The following ITGAE variants were observed in gnomAD, a reference collection of about 807,000 sequenced individuals.
ITGAE encodes the protein integrin alpha-E.
A neutral mutation model predicts 136.5 loss-of-function variants in ITGAE; 99 were observed. That is an observed-to-expected ratio of 0.73 (90% CI 0.62 to 0.86). The LOEUF (loss-of-function observed/expected upper bound fraction) is 0.86. Ranked by LOEUF, ITGAE falls within the 40% of genes least tolerant of loss-of-function variation. The pLI is 0.00. For missense variants in ITGAE, 1,447 were observed against 1,515.3 expected (o/e 0.95, Z 0.75); for synonymous variants, 613 against 591.8 (o/e 1.04, Z -0.52).
At chr17:3,723,806 T>C in intron 26 of ITGAE, 62 bp from the exon 27 acceptor site, 1 of 1,587,536 alleles carries the variant, frequency 6.3e-7, no homozygotes, top group Non-Finnish European at 8.6e-7. Context: ...TTCCGTCCCG[T>C]CCCGGCCCCG....
chr17:3,769,339 C>T (rs2052366822), intron 2 of ITGAE, among the ~76,000 whole-genome samples: 1 of 152,058 alleles, frequency 6.6e-6, no homozygotes, highest in Non-Finnish European at 1.5e-5. Flanking sequence ...GCACCCCACC[C>T]CCACCCTTTC....
intron 17 of ITGAE, among the ~76,000 whole-genome samples, chr17:3,746,222 G>T: frequency 6.6e-6 from 1 of 152,102 alleles, no homozygotes; most frequent in Non-Finnish European, 1.5e-5. Flanking sequence ...GATTGAAGAA[G>T]AAAATAAGGA....
intron 2 of ITGAE, among the ~76,000 whole-genome samples, chr17:3,776,075 TGAGACGGAGTC>T (rs2052532646): frequency 6.8e-6 from 1 of 147,506 alleles, no homozygotes; most frequent in African/African-American, 2.5e-5. Context: ...TTTTTTTTTT[TGAGACGGAGTC>T]TTGCTCTGTC....
chr17:3,790,294 G>T (rs1265669134), intron 1 of ITGAE, among the ~76,000 whole-genome samples: 2 of 152,082 alleles, frequency 1.3e-5, no homozygotes, highest in Non-Finnish European at 2.9e-5. Context: ...ATCACCTGAG[G>T]TCAGGAGTTC....
At chr17:3,767,747 C>T (rs1017134761) in intron 2 of ITGAE, among the ~76,000 whole-genome samples, 2 of 152,126 alleles carry the variant, frequency 1.3e-5, no homozygotes, top group Admixed American at 1.3e-4. Flanking sequence ...CTCAGCCTCA[C>T]AAGTTGCTGG....
At chr17:3,746,069 G>T in intron 17 of ITGAE, 142 bp from the exon 18 acceptor site, 1 of 722,804 alleles carries the variant, frequency 1.4e-6, no homozygotes, top group Non-Finnish European at 2.2e-6. Flanking sequence ...GGACTCCTGC[G>T]TCGGTTTTTC....
In ITGAE at chr17:3,743,541, T is replaced by TC; in HGVS notation, c.2395dup (p.Asp799GlyfsTer12). 6.2e-7 allele frequency: 1 copy of TC among 1,611,936 alleles called. No homozygotes were observed. The highest frequency in any genetic ancestry group is 2.2e-5 in the East Asian group (1 of 44,818). On this transcript the variant is annotated frameshift_variant, in exon 19 of 31. Transcript: ENST00000263087. LOFTEE classifies it high-confidence loss of function. ...GCGGTCCAGGATGGGCTGGGGATGGTCCGTCTGTCCCTCAGGGGTCTGGAG... is the reference window on the plus strand; with the variant it reads ...GCGGTCCAGGATGGGCTGGGGATGGTCCCGTCTGTCCCTCAGGGGTCTGGAG...
At chr17:3,716,850 A>G in intron 29 of ITGAE, 52 bp from the exon 30 acceptor site, 1 of 988,402 alleles carries the variant, frequency 1.0e-6, no homozygotes, top group Non-Finnish European at 1.6e-6. Context: ...AAACAAGGAA[A>G]AAATCCTACA....
intron 1 of ITGAE, among the ~76,000 whole-genome samples, chr17:3,787,723 C>T (rs868782714): frequency 4.7e-5 from 7 of 149,356 alleles, no homozygotes; most frequent in South Asian, 2.1e-4. Context: ...AGTTTTGCTC[C>T]GTCGCCCAGG....
At chr17:3,784,996 C>CA (rs1232256842) in intron 1 of ITGAE, among the ~76,000 whole-genome samples, 9 of 151,866 alleles carry the variant, frequency 5.9e-5, no homozygotes, top group Admixed American at 3.3e-4. Context: ...ACCAAAAATA[C>CA]AAAAAATTAG....
intron 15 of ITGAE, among the ~76,000 whole-genome samples, chr17:3,751,311 C>T (rs147012897): frequency 0.019 from 2,866 of 151,350 alleles, 65 homozygotes; most frequent in African/African-American, 0.04. Flanking sequence ...GAGACAGGAG[C>T]GAGGGACAGA....
rs1321388910 is a variant in ITGAE at position 3,755,196 on chromosome 17, T to G, written c.1305A>C (p.Thr435=). The G allele has an allele frequency of 6.4e-7, 1 of 1,560,534 alleles. No homozygotes were observed. The highest frequency in any genetic ancestry group is 1.1e-5 in the South Asian group (1 of 87,578). Residue 435 remains threonine (T), a synonymous_variant, in exon 12 of 31, where the codon ACA becomes ACC. Coordinates refer to ENST00000263087, the MANE Select transcript of ITGAE (RefSeq NM_002208.5). The part of the protein sequence containing the change: ...DWSGGALLYD[T]RSRRGRFLNQ... The stretch of plus-strand genomic sequence containing the variant: ...TCAGGAAGCGGCCCCGGCGGCTGCG[T>G]GTGTCGTAGAGCAACGCCCCTCCGG...
At chr17:3,720,835 G>A (rs1010969347) in intron 28 of ITGAE, among the ~76,000 whole-genome samples, 10 of 151,736 alleles carry the variant, frequency 6.6e-5, no homozygotes, top group Non-Finnish European at 1.0e-4. Context: ...TACCCACCTC[G>A]GCCTCCCAAA....
At chr17:3,781,147 A>G (rs939303863) in intron 1 of ITGAE, among the ~76,000 whole-genome samples, 1 of 152,230 alleles carries the variant, frequency 6.6e-6, no homozygotes. Flanking sequence ...CAAGAGAAAC[A>G]GGCAATGTGT....
In ITGAE at chr17:3,801,094, C is replaced by A; in HGVS notation, c.34+17G>T. ...AGGGCACAGCAGCCCCTCGAAGCAG[C>A]GGGTGAGAGGACTTACTGGCTATGC... is the stretch of plus-strand genomic sequence containing the variant. On this transcript the variant is annotated intron_variant, in intron 1 of 30. Coordinates refer to ENST00000263087, the MANE Select transcript of ITGAE (RefSeq NM_002208.5). 1 of 1,612,698 alleles carries A rather than the reference C, an allele frequency of 6.2e-7. No individual in the cohort carries two copies. Among genetic ancestry groups the A allele is most frequent in the Non-Finnish European group, 8.5e-7 (1 of 1,179,800 alleles).
intron 29 of ITGAE, among the ~76,000 whole-genome samples, chr17:3,718,726 A>G (rs747409637): frequency 9.2e-5 from 14 of 152,236 alleles, no homozygotes; most frequent in Non-Finnish European, 1.6e-4. Context: ...TAAAATGTGC[A>G]CATAAGAAAC....
chr17:3,792,956 G>A (rs2052977832), intron 1 of ITGAE, among the ~76,000 whole-genome samples: 1 of 152,142 alleles, frequency 6.6e-6, no homozygotes, highest in African/African-American at 2.4e-5. Flanking sequence ...TGTGATTTGT[G>A]TCCTCCCTGC....
chr17:3,739,900 C>T (rs756606592), intron 19 of ITGAE, 22 bp from the exon 20 acceptor site: 65 of 1,604,518 alleles, frequency 4.1e-5, no homozygotes, highest in Non-Finnish European at 5.0e-5. Flanking sequence ...CAGAGAGTCC[C>T]GATCAGCCCA....
intron 19 of ITGAE, among the ~76,000 whole-genome samples, chr17:3,741,169 C>T (rs2051578763): frequency 6.6e-6 from 1 of 150,384 alleles, no homozygotes; most frequent in African/African-American, 2.4e-5. Flanking sequence ...GCTCCGCCTC[C>T]CGGGTTCACG....
Sources: allele counts gnomAD v4.1 joint callset (sites outside exome capture counted in the v4.1 genomes callset), GRCh38; gene constraint gnomAD v4.1.1; transcripts MANE v1.5; gene names NCBI Gene and HGNC (gene_info 2026-07-23, HGNC 2026-07-21).